AP2B1: variants seen among roughly 807,000 people sequenced by gnomAD.
AP2B1 encodes AP-2 complex subunit beta.
Under a neutral mutation model 102.0 loss-of-function variants are expected in AP2B1, and 23 were observed. The ratio of observed to expected loss-of-function variants is 0.23; its 90% CI spans 0.16 to 0.32. AP2B1 has a LOEUF of 0.32. Ranked by LOEUF, AP2B1 falls within the 10% of genes least tolerant of loss-of-function variation. AP2B1 has a pLI of 1.00. For missense variants in AP2B1, 541 were observed against 1,157.4 expected (o/e 0.47, Z 7.73); for synonymous variants, 381 against 421.2 (o/e 0.90, Z 1.17).
At chr17:35,712,899 C>T (rs1293896311) in intron 20 of AP2B1, among the ~76,000 whole-genome samples, 3 of 152,130 alleles carry the variant, frequency 2.0e-5, no homozygotes, top group Non-Finnish European at 4.4e-5. Context: ...AAAACACTCT[C>T]CGAGAGAGAA....
intron 3 of AP2B1, among the ~76,000 whole-genome samples, chr17:35,605,017 G>A (rs1401860299): frequency 6.6e-6 from 1 of 152,040 alleles, no homozygotes; most frequent in Non-Finnish European, 1.5e-5. Context: ...TCGACCTCCT[G>A]CTTCAGCCTT....
chr17:35,649,862 A>G (rs1220487982), intron 12 of AP2B1, among the ~76,000 whole-genome samples: 1 of 152,136 alleles, frequency 6.6e-6, no homozygotes, highest in Non-Finnish European at 1.5e-5. Context: ...CCTGGGCTCA[A>G]GTGATCCTCC....
intron 13 of AP2B1, among the ~76,000 whole-genome samples, chr17:35,651,283 T>TA (rs58170702): frequency 0.094 from 14,089 of 149,338 alleles, 717 homozygotes; most frequent in Middle Eastern, 0.14. Flanking sequence ...TTGTTTTATT[T>TA]AAAAAAAAAA....
At position 35,657,501 on chromosome 17, in the gene AP2B1, A is replaced by T; in HGVS notation, c.1797-98A>T. ...AGAGTTTTTCCCCCTTGTATTTGAT[A>T]GTTATATATAGCTATATGTTTCACT... On this transcript the variant is annotated intron_variant, in intron 13 of 21. Transcript: ENST00000610402. 3 of 849,002 alleles carry T rather than the reference A, an allele frequency of 3.5e-6. No individual in the cohort carries two copies. In the East Asian group the frequency reaches 8.4e-5, roughly 24 times the overall value. 52.6% of individuals were successfully genotyped at this position (849,002 alleles called of 1,614,324 possible). A position where few individuals can be genotyped will look rare whatever the true frequency, so the allele number is the denominator to read the frequency against.
chr17:35,614,581 C>G (rs183435), intron 5 of AP2B1, among the ~76,000 whole-genome samples: 1 of 147,962 alleles, frequency 6.8e-6, no homozygotes, highest in East Asian at 2.0e-4. Context: ...GTCTATCACT[C>G]TCACAGCTGC....
intron 18 of AP2B1, 70 bp from the exon 19 acceptor site, chr17:35,709,154 C>T (rs1331704914): frequency 7.5e-7 from 1 of 1,342,150 alleles, no homozygotes; most frequent in African/African-American, 1.4e-5. Flanking sequence ...TTTCTAGACA[C>T]AGCGCTGTTC....
intron 13 of AP2B1, among the ~76,000 whole-genome samples, chr17:35,651,863 T>C (rs1271884198): frequency 6.6e-6 from 1 of 151,952 alleles, no homozygotes; most frequent in Non-Finnish European, 1.5e-5. Context: ...GTGTTTCTCC[T>C]TGTAGGCAAA....
At chr17:35,691,461 T>A (rs2076040025) in intron 18 of AP2B1, among the ~76,000 whole-genome samples, 2 of 152,352 alleles carry the variant, frequency 1.3e-5, no homozygotes, top group South Asian at 4.1e-4. Context: ...TCCCATCAAA[T>A]GAAGCAAACC....
intron 7 of AP2B1, among the ~76,000 whole-genome samples, 168 bp downstream of exon 7, chr17:35,627,010 T>C (rs192358732): frequency 2.0e-4 from 31 of 152,302 alleles, no homozygotes; most frequent in African/African-American, 7.2e-4. Flanking sequence ...CAGTTGATAT[T>C]ACAGTGTTTC....
rs1488321166 is a variant in AP2B1 at position 35,709,263 on chromosome 17, T to G, written c.2494T>G (p.Cys832Gly). ...CAATATCGATGTCTTCTACTTCAGC[T>G]GCCTCATCCCACTCAATGTGCTTTT... The part of the protein sequence containing the change: ...KNNIDVFYFS[C>G]LIPLNVLFVE... The change falls in exon 19 of 22, where the codon TGC (cysteine) becomes GGC (glycine). Residue 832 changes from cysteine (C) to glycine (G), a missense_variant. Cys to Gly is a radical substitution (Grantham distance 159, BLOSUM62 -3). Transcript: ENST00000610402. The G allele has an allele frequency of 6.2e-7, 1 of 1,614,076 alleles. No individual in the cohort carries two copies. Among genetic ancestry groups the G allele is most frequent in the Non-Finnish European group, 8.5e-7 (1 of 1,180,044 alleles).
chr17:35,687,052 GC>G (rs2075950393), intron 18 of AP2B1, among the ~76,000 whole-genome samples: 2 of 152,150 alleles, frequency 1.3e-5, no homozygotes, highest in East Asian at 3.9e-4. Context: ...CTCCCACAAA[GC>G]CAATTTCGTT....
At chr17:35,710,427 A>G (rs1555586958) in intron 20 of AP2B1, 107 bp downstream of exon 20, 2 of 743,572 alleles carry the variant, frequency 2.7e-6, no homozygotes, top group Middle Eastern at 3.7e-4. Flanking sequence ...CGTATCTACT[A>G]TGTTTCTAGT....
At chr17:35,632,892 C>T (rs757366019) in intron 9 of AP2B1, among the ~76,000 whole-genome samples, 9 of 151,370 alleles carry the variant, frequency 5.9e-5, no homozygotes, top group Non-Finnish European at 1.3e-4. Flanking sequence ...TTACAGTGGC[C>T]CATATTCTAC....
intron 21 of AP2B1, 41 bp downstream of exon 21, chr17:35,717,390 G>A (rs1555590558): frequency 1.9e-6 from 3 of 1,609,936 alleles, no homozygotes; most frequent in Admixed American, 3.3e-5. Flanking sequence ...ATTAGAGGAG[G>A]GAGGTGAGAG....
intron 3 of AP2B1, among the ~76,000 whole-genome samples, chr17:35,603,907 G>A (rs2073572204): frequency 6.6e-6 from 1 of 152,124 alleles, no homozygotes; most frequent in Non-Finnish European, 1.5e-5. Context: ...TATTGTGTCT[G>A]CTGAAACTGG....
At position 35,650,625 on chromosome 17, in the gene AP2B1, G is replaced by T; in HGVS notation, c.1632G>T (p.Glu544Asp). ...PVTAKEVVLS[E>D]KPLISEETDL... ...CAGCTAAAGAAGTAGTCTTGTCTGA[G>T]AAGCCACTGATCTCTGAGGAGACGG... Residue 544 changes from glutamate to aspartate, a missense_variant, in exon 13 of 22, where the codon GAG becomes GAT. Physicochemically the swap from Glu to Asp is conservative, Grantham distance 45. Coordinates refer to ENST00000610402, the MANE Select transcript of AP2B1 (RefSeq NM_001030006.2). 6.2e-7 allele frequency: 1 copy of T among 1,614,160 alleles called. No homozygotes were observed.
chr17:35,671,999 G>C, intron 16 of AP2B1, 99 bp downstream of exon 16: 1 of 1,392,838 alleles, frequency 7.2e-7, no homozygotes, highest in Non-Finnish European at 9.8e-7. Flanking sequence ...ATAAATCAAA[G>C]GTTTGGGCCC....
At chr17:35,676,742 C>T (rs1213676568) in intron 17 of AP2B1, among the ~76,000 whole-genome samples, 1 of 152,142 alleles carries the variant, frequency 6.6e-6, no homozygotes, top group East Asian at 1.9e-4. Flanking sequence ...ATTTGCATTT[C>T]CCTAATGACT....
At chr17:35,621,733 C>T (rs959018667) in intron 5 of AP2B1, among the ~76,000 whole-genome samples, 1 of 152,194 alleles carries the variant, frequency 6.6e-6, no homozygotes, top group Non-Finnish European at 1.5e-5. Context: ...CCTATAATAA[C>T]AGAGGATTTC....
Sources: gnomAD v4.1 joint callset for allele counts (sites outside exome capture counted in the v4.1 genomes callset) on GRCh38, gnomAD v4.1.1 for gene constraint, MANE v1.5 for transcripts, NCBI Gene and HGNC (gene_info 2026-07-23, HGNC 2026-07-21) for gene names.